Variants in CLGN observed in about 807,000 individuals in gnomAD.
The protein encoded by CLGN is testis tissue sperm-binding protein Li 79P.
In CLGN, 62 loss-of-function variants were observed where a neutral mutation model predicts 79.1. The observed-to-expected ratio is 0.78, with a 90% confidence interval of 0.64 to 0.97. The LOEUF is 0.97. CLGN is among the 50% of genes least tolerant of loss of function. The probability of loss-of-function intolerance (pLI) is 0.00; values close to 1 mark genes in which losing one functional copy is unlikely to be tolerated. For synonymous variants in CLGN, 225 were observed against 224.7 expected (o/e 1.00, Z -0.01); for missense variants, 647 against 715.5 (o/e 0.90, Z 1.09).
At chr4:140,416,350 T>G (rs1393667461) in intron 1 of CLGN, among the ~76,000 whole-genome samples, 1 of 113,132 alleles carries the variant, frequency 8.8e-6, no homozygotes, top group Non-Finnish European at 1.8e-5. Flanking sequence ...ATAACTAAAA[T>G]CAGAGCAGAA....
intron 2 of CLGN, among the ~76,000 whole-genome samples, chr4:140,410,830 C>T (rs1230977735): frequency 6.6e-6 from 1 of 151,790 alleles, no homozygotes; most frequent in African/African-American, 2.4e-5. Flanking sequence ...GACAAAAATA[C>T]TATACGTACA....
At chr4:140,403,354 G>A (rs145690289) in intron 5 of CLGN, among the ~76,000 whole-genome samples, 3 of 152,054 alleles carry the variant, frequency 2.0e-5, no homozygotes, top group African/African-American at 7.2e-5. Flanking sequence ...CCCAATGAGG[G>A]GCAAATACAT....
At chr4:140,413,692 G>A (rs1729262043) in intron 1 of CLGN, among the ~76,000 whole-genome samples, 1 of 152,336 alleles carries the variant, frequency 6.6e-6, no homozygotes, top group South Asian at 2.1e-4. Flanking sequence ...CCCGCACCTG[G>A]CTTGGAGGGT....
At chr4:140,402,118 G>T (rs765686777) in intron 5 of CLGN, 52 bp from the exon 6 acceptor site, 1 of 924,964 alleles carries the variant, frequency 1.1e-6, no homozygotes, top group African/African-American at 1.7e-5. Flanking sequence ...TTTACTAGTT[G>T]CTCTTTAAAA....
intron 1 of CLGN, among the ~76,000 whole-genome samples, chr4:140,415,564 A>C (rs1729311793): frequency 6.6e-6 from 1 of 151,940 alleles, no homozygotes; most frequent in African/African-American, 2.4e-5. Context: ...GTCTCTGATA[A>C]AACAGACTTT....
intron 1 of CLGN, chr4:140,426,730 G>A (rs183609443): frequency 6.6e-6 from 1 of 152,376 alleles, no homozygotes; most frequent in Admixed American, 6.5e-5. Flanking sequence ...CTGAGCTTTG[G>A]TTGCCATTTG....
intron 8 of CLGN, among the ~76,000 whole-genome samples, chr4:140,396,910 T>TAC: frequency 7.6e-6 from 1 of 132,040 alleles, no homozygotes; most frequent in Non-Finnish European, 1.6e-5. Flanking sequence ...TATATATGTA[T>TAC]ATATATATAT....
intron 8 of CLGN, among the ~76,000 whole-genome samples, chr4:140,396,791 C>A (rs886614415): frequency 2.9e-4 from 43 of 149,498 alleles, no homozygotes; most frequent in Admixed American, 1.0e-3. Flanking sequence ...CTCCTAACGT[C>A]AGGTGATCCA....
chr4:140,393,934 G>A lies in CLGN; in HGVS notation c.1257C>T (p.Thr419=). Residue 419 remains threonine, a synonymous_variant, in exon 11 of 15, where the codon ACC becomes ACT. Transcript: ENST00000325617. ...TAAAATTATCAAAGTAGATATCAGA[G>A]GTCATAGACCAAAGCTCTAAACCAA... The part of the protein sequence containing the change: ...SALGLELWSM[T]SDIYFDNFII... 6.2e-7 allele frequency: 1 copy of A among 1,613,662 alleles called. No individual in the cohort carries two copies. The highest frequency in any genetic ancestry group is 8.5e-7 in the Non-Finnish European group (1 of 1,179,744).
At chr4:140,411,545 G>C (rs1452415560) in intron 2 of CLGN, among the ~76,000 whole-genome samples, 3 of 152,116 alleles carry the variant, frequency 2.0e-5, no homozygotes, top group Non-Finnish European at 4.4e-5. Context: ...AGTGAGATTA[G>C]ATTGTATCTG....
chr4:140,417,554 GCA>G (rs1438993774), intron 1 of CLGN, among the ~76,000 whole-genome samples: 1 of 140,488 alleles, frequency 7.1e-6, no homozygotes, highest in African/African-American at 2.7e-5. Context: ...TTATACACCA[GCA>G]ACAGACAAAC....
rs564135332 is a variant in CLGN, at chr4:140,404,813, C to T, written c.419+1129G>A. On this transcript the variant is annotated intron_variant, in intron 5 of 14. Coordinates refer to ENST00000325617, the MANE Select transcript of CLGN (RefSeq NM_004362.3). Reference sequence around the variant, plus strand: ...GGGACTACAGTCGGGCACCACCATGCCTGGCTAATTTTTAAAATTTTTTTG... The same window carrying T: ...GGGACTACAGTCGGGCACCACCATGTCTGGCTAATTTTTAAAATTTTTTTG... Among the ~76,000 whole-genome samples the T allele has an allele frequency of 6.6e-4, 101 of 152,056 alleles. 3 individuals carry two copies. In the South Asian group the frequency reaches 0.018, roughly 28 times the overall value.
At chr4:140,413,214 C>A in intron 1 of CLGN, 127 bp from the exon 2 acceptor site, 1 of 676,440 alleles carries the variant, frequency 1.5e-6, no homozygotes, top group South Asian at 2.1e-5. Context: ...AAACAAATCA[C>A]TGACAAAATT....
chr4:140,409,071 G>A (rs899083796), intron 4 of CLGN, among the ~76,000 whole-genome samples: 2 of 151,934 alleles, frequency 1.3e-5, no homozygotes, highest in African/African-American at 2.4e-5. Flanking sequence ...GCAGACAGCT[G>A]ACATCCAACA....
intron 4 of CLGN, among the ~76,000 whole-genome samples, chr4:140,408,745 T>A (rs1051381590): frequency 5.9e-5 from 9 of 151,810 alleles, no homozygotes; most frequent in African/African-American, 2.2e-4. Flanking sequence ...ACAGCCTCTA[T>A]GGAAAACAGC....
rs1162212217 is a variant in CLGN, at chr4:140,398,263, C to CTTTTTTT, written c.884+581_884+587dup. Among the ~76,000 whole-genome samples the CTTTTTTT allele has an allele frequency of 1.2e-4, 10 of 86,796 alleles. 1 individual carries two copies. The highest frequency in any genetic ancestry group is 4.5e-4 in the South Asian group (1 of 2,224). 56.9% of individuals were successfully genotyped at this position (86,796 alleles called of 152,430 possible). On this transcript the variant is annotated intron_variant, in intron 8 of 14. Coordinates refer to ENST00000325617, the MANE Select transcript of CLGN (RefSeq NM_004362.3). ...TCTCTCATTTAAGGGCAAACATACTCTTTTTTTTTTTTTTTTTTTTTTTTG... is the reference window on the plus strand; with the variant it reads ...TCTCTCATTTAAGGGCAAACATACTCTTTTTTTTTTTTTTTTTTTTTTTTTTTTTTTG...
At position 140,413,055 on chromosome 4, in the gene CLGN, T is replaced by C. The variant is rs1396277643; in HGVS notation, c.24A>G (p.Leu8=). 1 of 1,612,254 alleles carries C rather than the reference T, an allele frequency of 6.2e-7. No individual in the cohort carries two copies. The highest frequency in any genetic ancestry group is 8.5e-7 in the Non-Finnish European group (1 of 1,179,336). ...TTGAGATGAACAGAAGACCCAAACA[T>C]AGCCAAAAGGCTTGGAAATGCATAT... is the stretch of plus-strand genomic sequence containing the variant. The part of the protein sequence containing the change: MHFQAFW[L]CLGLLFISIN... The change falls in exon 2 of 15, where the codon CTA becomes CTG. Residue 8 remains leucine (L), a synonymous_variant. Coordinates refer to ENST00000325617, the MANE Select transcript of CLGN (RefSeq NM_004362.3).
At chr4:140,394,844 A>T (rs888779120) in intron 10 of CLGN, among the ~76,000 whole-genome samples, 2 of 152,164 alleles carry the variant, frequency 1.3e-5, no homozygotes, top group African/African-American at 4.8e-5. Flanking sequence ...AGAAACTTTT[A>T]ATATAAAAAG....
Position 140,410,611 on chromosome 4 carries a change from G to T in CLGN, c.160C>A (p.Pro54Thr), listed in dbSNP as rs1416070846. 1.3e-6 allele frequency: 2 copies of T among 1,590,942 alleles called. No individual in the cohort carries two copies. The highest frequency in any genetic ancestry group is 1.7e-6 in the Non-Finnish European group (2 of 1,160,232). The change falls in exon 3 of 15, where the codon CCT (proline) becomes ACT (threonine). Residue 54 changes from proline (P) to threonine (T), a missense_variant. By Grantham distance (38) the Pro-to-Thr change is conservative. Coordinates refer to ENST00000325617, the MANE Select transcript of CLGN (RefSeq NM_004362.3). Reference protein sequence around the residue: ...ELSSEIKYKTPQPIGEVYFAE... With the variant: ...ELSSEIKYKTTQPIGEVYFAE... ...AAATATACTTCTCCTATAGGTTGAG[G>T]TGTCTTATATTTAATCTAGAAAAGA...
Sources: gnomAD v4.1 joint callset for allele counts (sites outside exome capture counted in the v4.1 genomes callset) on GRCh38, gnomAD v4.1.1 for gene constraint, MANE v1.5 for transcripts, NCBI Gene and HGNC (gene_info 2026-07-23, HGNC 2026-07-21) for gene names.